Variants in MEF2C observed in about 807,000 individuals in gnomAD.
MEF2C encodes myocyte-specific enhancer factor 2C.
A neutral mutation model predicts 50.5 loss-of-function variants in MEF2C; 6 were observed. The observed-to-expected ratio is 0.12, with a 90% CI of 0.07 to 0.23. The LOEUF (loss-of-function observed/expected upper bound fraction) is 0.23. MEF2C is among the 10% of genes least tolerant of loss of function. The pLI is 1.00. For missense variants in MEF2C, 276 were observed against 605.0 expected (o/e 0.46, Z 5.70); for synonymous variants, 183 against 228.0 (o/e 0.80, Z 1.78).
chr5:88,812,874 C>T (rs914559278), intron 2 of MEF2C, among the ~76,000 whole-genome samples: 1 of 152,130 alleles, frequency 6.6e-6, no homozygotes, highest in African/African-American at 2.4e-5. Flanking sequence ...GGCTGAAGTT[C>T]AGCTCAATAT....
chr5:88,835,930 T>G, intron 1 of MEF2C, among the ~76,000 whole-genome samples: 1 of 151,780 alleles, frequency 6.6e-6, no homozygotes, highest in East Asian at 1.9e-4. Context: ...TGACAAATGA[T>G]AGTATTTTAA....
chr5:88,901,749 A>T (rs540027270), intron 1 of MEF2C, among the ~76,000 whole-genome samples: 1 of 152,130 alleles, frequency 6.6e-6, no homozygotes, highest in African/African-American at 2.4e-5. Context: ...TTGAAGATTT[A>T]TTAGAAAGGA....
At chr5:88,771,288 C>T (rs1782295364) in intron 3 of MEF2C, 1 of 443,588 alleles carries the variant, frequency 2.3e-6, no homozygotes, top group Non-Finnish European at 3.0e-6. Context: ...GGCAAGTCAG[C>T]TCAATCCTTT....
chr5:88,775,772 T>G, intron 3 of MEF2C: 2 of 973,902 alleles, frequency 2.1e-6, no homozygotes. Flanking sequence ...ACCTTGGATT[T>G]CACATGATGC....
chr5:88,817,625 A>T (rs1025435158), intron 2 of MEF2C, among the ~76,000 whole-genome samples: 1 of 152,014 alleles, frequency 6.6e-6, no homozygotes, highest in African/African-American at 2.4e-5. Flanking sequence ...ACTGATAATT[A>T]CATGAAGTTT....
chr5:88,804,408 A>G, intron 3 of MEF2C, 190 bp downstream of exon 3: 1 of 573,674 alleles, frequency 1.7e-6, no homozygotes, highest in South Asian at 2.4e-5. Context: ...CTATCATCAC[A>G]TCACTCTAAC....
At chr5:88,740,233 C>CGCGTGT (rs1765972514) in intron 6 of MEF2C, 2 of 884,956 alleles carry the variant, frequency 2.3e-6, no homozygotes, top group Admixed American at 6.6e-5. Flanking sequence ...AGCGATTTTG[C>CGCGTGT]GTGTGTGTGT....
chr5:88,787,306 C>G (rs915252875), intron 3 of MEF2C, among the ~76,000 whole-genome samples: 2 of 152,052 alleles, frequency 1.3e-5, no homozygotes, highest in African/African-American at 2.4e-5. Context: ...AGCATTTTTT[C>G]TTCTCTGAAC....
chr5:88,763,758 A>G (rs1028768614), intron 3 of MEF2C, among the ~76,000 whole-genome samples: 1 of 151,746 alleles, frequency 6.6e-6, no homozygotes, highest in African/African-American at 2.4e-5. Flanking sequence ...AGGCCCAGAC[A>G]ATCCTTCCAA....
intron 3 of MEF2C, among the ~76,000 whole-genome samples, chr5:88,768,239 A>G (rs1269286060): frequency 6.6e-6 from 1 of 152,184 alleles, no homozygotes. Flanking sequence ...ACTTTGCTTT[A>G]TTCACTTTGG....
chr5:88,780,619 GGAGCCAGGGCAAA>G (rs1379290863), intron 3 of MEF2C: 7 of 317,180 alleles, frequency 2.2e-5, no homozygotes, highest in African/African-American at 1.6e-4. Flanking sequence ...AAATACTGCG[GGAGCCAGGGCAAA>G]GATACTTAAG....
chr5:88,743,579 G>T, intron 6 of MEF2C: 4 of 978,140 alleles, frequency 4.1e-6, no homozygotes, highest in Non-Finnish European at 3.6e-6. Context: ...AAAACATTGC[G>T]TGTAAATGGA....
chr5:88,857,617 C>A (rs943358361), intron 1 of MEF2C, among the ~76,000 whole-genome samples: 1 of 152,134 alleles, frequency 6.6e-6, no homozygotes, highest in African/African-American at 2.4e-5. Context: ...ATAATTAAAT[C>A]ATGGGGGTAG....
intron 1 of MEF2C, among the ~76,000 whole-genome samples, chr5:88,894,786 TA>T (rs1309219871): frequency 2.0e-5 from 3 of 152,246 alleles, no homozygotes; most frequent in African/African-American, 4.8e-5. Flanking sequence ...GGTATTTTTT[TA>T]AAAAAGTCAT....
chr5:88,881,091 T>A (rs1221635109), intron 1 of MEF2C: 1 of 152,134 alleles, frequency 6.6e-6, no homozygotes, highest in Non-Finnish European at 1.5e-5. Flanking sequence ...TTTTATAAAA[T>A]TTAGTAAAAT....
chr5:88,859,119 T>A (rs1478018746), intron 1 of MEF2C, among the ~76,000 whole-genome samples: 3 of 152,228 alleles, frequency 2.0e-5, no homozygotes, highest in Admixed American at 1.3e-4. Context: ...TTACTATTTT[T>A]AAAATTGTTA....
At chr5:88,827,963 T>A (rs1811592720) in intron 1 of MEF2C, among the ~76,000 whole-genome samples, 1 of 151,672 alleles carries the variant, frequency 6.6e-6, no homozygotes, top group Non-Finnish European at 1.5e-5. Context: ...TTATGGTTAT[T>A]GAGTTTCTCG....
intron 1 of MEF2C, among the ~76,000 whole-genome samples, chr5:88,873,620 T>C (rs1830181104): frequency 6.6e-6 from 1 of 151,586 alleles, no homozygotes; most frequent in Non-Finnish European, 1.5e-5. Context: ...TATTGCCGAT[T>C]CATTTCAACC....
upstream of MEF2C, among the ~76,000 whole-genome samples, chr5:88,887,182 A>T (rs562180685): frequency 3.8e-4 from 58 of 152,372 alleles, no homozygotes; most frequent in African/African-American, 1.4e-3. Context: ...GAAAAATCTA[A>T]AAAGCAGTGA....
Sources: gnomAD v4.1 joint callset for allele counts (sites outside exome capture counted in the v4.1 genomes callset) on GRCh38, gnomAD v4.1.1 for gene constraint, MANE v1.5 for transcripts, NCBI Gene and HGNC (gene_info 2026-07-23, HGNC 2026-07-21) for gene names.